RASGRF2: variants seen among roughly 807,000 people sequenced by gnomAD.
RASGRF2 encodes ras-specific guanine nucleotide-releasing factor 2.
In RASGRF2, 76 loss-of-function variants were observed where a neutral mutation model predicts 151.0. That is an observed-to-expected ratio of 0.50 (90% CI 0.42 to 0.61). RASGRF2 has a LOEUF of 0.61. Among genes scored for constraint, RASGRF2 ranks in the 20% least tolerant of loss-of-function variants. The pLI is 0.00. For missense variants in RASGRF2, 1,148 were observed against 1,564.6 expected (o/e 0.73, Z 4.49); for synonymous variants, 504 against 566.5 (o/e 0.89, Z 1.57).
chr5:81,196,383 G>A (rs1317142882), intron 18 of RASGRF2, among the ~76,000 whole-genome samples: 2 of 152,318 alleles, frequency 1.3e-5, no homozygotes, highest in Admixed American at 6.5e-5. Context: ...CACTATCAGA[G>A]ATTCTGCTTT....
At chr5:81,157,135 G>A (rs181250950) in intron 17 of RASGRF2, among the ~76,000 whole-genome samples, 290 of 152,122 alleles carry the variant, frequency 1.9e-3, no homozygotes, top group African/African-American at 6.6e-3. Context: ...GGAGGCTGAG[G>A]CGGGCGGATC....
intron 2 of RASGRF2, among the ~76,000 whole-genome samples, chr5:81,052,419 C>T (rs4704697): frequency 0.37 from 56,712 of 151,964 alleles, 10,875 homozygotes; most frequent in Middle Eastern, 0.62. Context: ...GTTTAAGTAA[C>T]GAACTGTGAC....
intron 7 of RASGRF2, among the ~76,000 whole-genome samples, chr5:81,083,514 T>C (rs1016942268): frequency 7.9e-5 from 12 of 152,198 alleles, no homozygotes; most frequent in Admixed American, 5.2e-4. Context: ...TCAAGCTATG[T>C]TGAACTATGG....
intron 12 of RASGRF2, among the ~76,000 whole-genome samples, chr5:81,095,371 G>A (rs943378082): frequency 3.3e-5 from 5 of 152,184 alleles, no homozygotes; most frequent in Non-Finnish European, 5.9e-5. Flanking sequence ...TACAAAAACA[G>A]CCAACATAGG....
At chr5:81,075,016 G>A (rs1489067668) in intron 5 of RASGRF2, among the ~76,000 whole-genome samples, 5 of 152,202 alleles carry the variant, frequency 3.3e-5, no homozygotes, top group Admixed American at 6.5e-5. Context: ...GGGGTGTGAT[G>A]TGACTTCTGT....
intron 1 of RASGRF2, among the ~76,000 whole-genome samples, chr5:81,017,134 C>T (rs1749664477): frequency 6.6e-6 from 1 of 152,210 alleles, no homozygotes; most frequent in Admixed American, 6.5e-5. Flanking sequence ...TTTCACAGCT[C>T]CGGCAGGAGT....
chr5:80,990,732 G>A (rs1226400449), intron 1 of RASGRF2, among the ~76,000 whole-genome samples: 1 of 152,140 alleles, frequency 6.6e-6, no homozygotes, highest in Non-Finnish European at 1.5e-5. Flanking sequence ...TCACATTCTT[G>A]TGGTTTCTAA....
chr5:81,069,865 G>C (rs1751720823), intron 3 of RASGRF2, among the ~76,000 whole-genome samples: 1 of 152,214 alleles, frequency 6.6e-6, no homozygotes, highest in Non-Finnish European at 1.5e-5. Flanking sequence ...GTGTAGTTGA[G>C]AGGCCACCCA....
At chr5:81,173,724 G>C (rs1754710361) in intron 17 of RASGRF2, among the ~76,000 whole-genome samples, 1 of 152,178 alleles carries the variant, frequency 6.6e-6, no homozygotes, top group Non-Finnish European at 1.5e-5. Context: ...TTGAGTTGGA[G>C]GAGTAACAAA....
chr5:81,026,265 T>G (rs1414645948), intron 1 of RASGRF2, among the ~76,000 whole-genome samples: 1 of 151,914 alleles, frequency 6.6e-6, no homozygotes, highest in Non-Finnish European at 1.5e-5. Context: ...TCTTTTTTTT[T>G]CTTCCTCTCA....
intron 5 of RASGRF2, among the ~76,000 whole-genome samples, chr5:81,073,754 G>A (rs936056210): frequency 8.6e-5 from 13 of 152,032 alleles, no homozygotes; most frequent in Non-Finnish European, 1.5e-5. Context: ...AAGTAGCTGG[G>A]ACTACAGGCG....
rs76174052 is a variant in RASGRF2 at position 81,169,003 on chromosome 5, G to A, written c.2687-11172G>A. 2.2e-3 allele frequency among the ~76,000 whole-genome samples: 341 copies of A among 152,258 alleles called. 2 individuals carry two copies. Among genetic ancestry groups the A allele is most frequent in the African/African-American group, 8.1e-3 (336 of 41,558 alleles). On this transcript the variant is annotated intron_variant, in intron 17 of 26. Coordinates refer to ENST00000265080, the MANE Select transcript of RASGRF2 (RefSeq NM_006909.3). ...CAATATCTCCTGGTTGTGGGGCCAC[G>A]GGCTTTGTCTGGTACACTCTGTACC...
intron 1 of RASGRF2, among the ~76,000 whole-genome samples, chr5:81,015,415 A>T (rs1481791340): frequency 6.6e-6 from 1 of 152,172 alleles, no homozygotes; most frequent in African/African-American, 2.4e-5. Flanking sequence ...AATAATAAAT[A>T]AATAAATAAT....
chr5:81,090,146 T>C (rs1469576008), intron 9 of RASGRF2, among the ~76,000 whole-genome samples: 1 of 152,234 alleles, frequency 6.6e-6, no homozygotes, highest in Non-Finnish European at 1.5e-5. Flanking sequence ...GTACCAGTGT[T>C]CTCTGAAATT....
At chr5:81,199,717 G>C (rs901057554) in intron 18 of RASGRF2, among the ~76,000 whole-genome samples, 1 of 151,916 alleles carries the variant, frequency 6.6e-6, no homozygotes, top group African/African-American at 2.4e-5. Context: ...GGCCAACATG[G>C]TGAAACCCTG....
At chr5:81,219,812 GA>G (rs767905082) in intron 26 of RASGRF2, 34 bp downstream of exon 26, 1 of 1,456,280 alleles carries the variant, frequency 6.9e-7, no homozygotes, top group South Asian at 1.2e-5. Flanking sequence ...AATTAATAAA[GA>G]AAAAAGGGGA....
intron 17 of RASGRF2, among the ~76,000 whole-genome samples, chr5:81,159,466 C>T (rs1580367993): frequency 6.6e-6 from 1 of 152,198 alleles, no homozygotes; most frequent in Non-Finnish European, 1.5e-5. Flanking sequence ...CAAAAGACCA[C>T]GTACTCTACG....
At chr5:81,068,860 G>C (rs955648872) in intron 3 of RASGRF2, among the ~76,000 whole-genome samples, 1 of 152,150 alleles carries the variant, frequency 6.6e-6, no homozygotes, top group African/African-American at 2.4e-5. Context: ...TCTAGATAGA[G>C]AATCCTGAAT....
At chr5:81,174,027 C>T (rs1320024119) in intron 17 of RASGRF2, among the ~76,000 whole-genome samples, 1 of 152,154 alleles carries the variant, frequency 6.6e-6, no homozygotes, top group Non-Finnish European at 1.5e-5. Flanking sequence ...GAGACAATAA[C>T]TGAAACCCAT....
Sources: gnomAD v4.1 joint callset for allele counts (sites outside exome capture counted in the v4.1 genomes callset) on GRCh38, gnomAD v4.1.1 for gene constraint, MANE v1.5 for transcripts, NCBI Gene and HGNC (gene_info 2026-07-23, HGNC 2026-07-21) for gene names.